Variants in NEDD4L observed in about 807,000 individuals in gnomAD.
The protein encoded by NEDD4L is NEDD4 like E3 ubiquitin protein ligase.
NEDD4L carries 54 observed loss-of-function variants against 148.9 expected under a neutral mutation model. That is an observed-to-expected ratio of 0.36 (90% confidence interval 0.29 to 0.45). The LOEUF is 0.45. Ranked by LOEUF, NEDD4L falls within the 20% of genes least tolerant of loss-of-function variation. The probability of loss-of-function intolerance (pLI) is 1.00; values close to 1 mark genes in which losing one functional copy is unlikely to be tolerated. For synonymous variants in NEDD4L, 433 were observed against 440.7 expected (o/e 0.98, Z 0.22); for missense variants, 856 against 1,233.8 (o/e 0.69, Z 4.59).
intron 2 of NEDD4L, among the ~76,000 whole-genome samples, chr18:58,187,512 A>G (rs1018603981): frequency 7.2e-5 from 11 of 152,206 alleles, no homozygotes; most frequent in African/African-American, 2.7e-4. Context: ...CATGATTAGG[A>G]TTTAAATCCA....
chr18:58,257,508 C>G (rs1345629006), intron 5 of NEDD4L, among the ~76,000 whole-genome samples: 1 of 152,102 alleles, frequency 6.6e-6, no homozygotes, highest in Non-Finnish European at 1.5e-5. Context: ...CGTTAATGGT[C>G]AGATGGCGTG....
chr18:58,182,818 T>C (rs1471710619), intron 2 of NEDD4L, among the ~76,000 whole-genome samples: 1 of 152,202 alleles, frequency 6.6e-6, no homozygotes, highest in Non-Finnish European at 1.5e-5. Context: ...GCCCCTGTAG[T>C]GTTCTATGCA....
rs189387578 is a variant in NEDD4L, at chr18:58,256,058, A to T, written c.297+4004A>T. The T allele has an allele frequency of 6.3e-4, 778 of 1,229,128 alleles. 4 individuals are homozygous for T. In the African/African-American group the frequency reaches 0.011, roughly 17 times the overall value. 76.1% of individuals were successfully genotyped at this position (1,229,128 alleles called of 1,614,324 possible). The stretch of plus-strand genomic sequence containing the variant: ...TGCCACCACGAGGGCCTCGCCCCAG[A>T]GTGGCTCCCGGGAGCCCTCGCCGAG... On this transcript the variant is annotated intron_variant, in intron 5 of 30. Transcript: ENST00000400345. This position sits in a 1 kb window ranked among gnomAD's most constrained non-coding sequence, Gnocchi z 5.2.
intron 1 of NEDD4L, among the ~76,000 whole-genome samples, chr18:58,158,410 G>A (rs551544225): frequency 1.1e-4 from 17 of 152,322 alleles, no homozygotes; most frequent in Non-Finnish European, 1.9e-4. Flanking sequence ...AAGAAATATC[G>A]AGAATTTGTG....
intron 4 of NEDD4L, among the ~76,000 whole-genome samples, chr18:58,249,986 T>G (rs986317026): frequency 6.6e-6 from 1 of 152,248 alleles, no homozygotes; most frequent in Non-Finnish European, 1.5e-5. Flanking sequence ...AATATAGCTT[T>G]CCACTTGTGA....
chr18:58,205,498 A>ATG (rs59338606), intron 2 of NEDD4L, among the ~76,000 whole-genome samples: 2,748 of 147,826 alleles, frequency 0.019, 27 homozygotes, highest in East Asian at 0.051. Flanking sequence ...GTGTGTGTGT[A>ATG]TGTGTGTGTG....
At chr18:58,280,621 C>T (rs1225327080) in intron 5 of NEDD4L, among the ~76,000 whole-genome samples, 1 of 152,068 alleles carries the variant, frequency 6.6e-6, no homozygotes, top group Admixed American at 6.5e-5. Flanking sequence ...TGTGTGCTTC[C>T]ACTAGGAAAG....
In NEDD4L at chr18:58,067,615, T is replaced by A. The variant is rs2082666501; in HGVS notation, c.48+22907T>A. ...AAAACTGAGAAATGGAAGTGTGAGC[T>A]AGGAAGAGGAGTAGCTTAATGGGGA... On this transcript the variant is annotated intron_variant, in intron 1 of 30. Transcript: ENST00000400345. 3.3e-5 allele frequency among the ~76,000 whole-genome samples: 5 copies of A among 152,172 alleles called. No individual in the cohort carries two copies. In the South Asian group the frequency reaches 1.0e-3, roughly 32 times the overall value.
chr18:58,357,140 G>T (rs1301810923), intron 18 of NEDD4L, 54 bp from the exon 19 acceptor site: 5 of 1,477,888 alleles, frequency 3.4e-6, no homozygotes, highest in Admixed American at 1.9e-5. Flanking sequence ...TCTTTACATA[G>T]AATAGATTTG....
At position 58,256,101 on chromosome 18, in the gene NEDD4L, C is replaced by T; in HGVS notation, c.297+4047C>T. ...TCGCCGAGGGACACCCCCGGGAGCTCCCCTCCGAGGGCAGCCCGGGACCCA... is the reference window on the plus strand; with the variant it reads ...TCGCCGAGGGACACCCCCGGGAGCTTCCCTCCGAGGGCAGCCCGGGACCCA... On this transcript the variant is annotated intron_variant, in intron 5 of 30. Coordinates refer to ENST00000400345, the MANE Select transcript of NEDD4L (RefSeq NM_001144967.3). This position sits in a 1 kb window ranked among gnomAD's most constrained non-coding sequence, Gnocchi z 5.2. 1.6e-6 allele frequency: 2 copies of T among 1,227,424 alleles called. No homozygotes were observed. Among genetic ancestry groups the T allele is most frequent in the African/African-American group, 1.6e-5 (1 of 64,296 alleles). The allele number at this position is 1,227,424 out of a possible 1,614,324, so 76.0% of individuals were successfully genotyped here.
At position 58,210,161 on chromosome 18, in the gene NEDD4L, C is replaced by T. The variant is rs78287470; in HGVS notation, c.123-35266C>T. ...AGCCTGGGCAAGAAAAGCGACACTT[C>T]GTCTCAACATCAACAACAACAAAAA... On this transcript the variant is annotated intron_variant, in intron 2 of 30. Transcript: ENST00000400345. Among the ~76,000 whole-genome samples, 976 of 152,104 alleles carry T rather than the reference C, an allele frequency of 6.4e-3. 4 individuals carry two copies. Among genetic ancestry groups the T allele is most frequent in the African/African-American group, 0.023 (946 of 41,504 alleles).
rs2050781922 is a variant in NEDD4L, at chr18:58,400,503, G to A, written c.*4234G>A. On this transcript the variant is annotated 3_prime_UTR_variant, in exon 31 of 31. Coordinates refer to ENST00000400345, the MANE Select transcript of NEDD4L (RefSeq NM_001144967.3). ...TGTCAGAGAAAGTGCCACAGCATTAGGACGGGAGCTTGGAGAACGTTTTCT... is the reference window on the plus strand; with the variant it reads ...TGTCAGAGAAAGTGCCACAGCATTAAGACGGGAGCTTGGAGAACGTTTTCT... 1 of 152,168 alleles carries A rather than the reference G, an allele frequency of 6.6e-6. No homozygotes were observed. The highest frequency in any genetic ancestry group is 6.5e-5 in the Admixed American group (1 of 15,284). The allele number at this position is 152,168 out of a possible 1,614,324, so 9.4% of individuals were successfully genotyped here.
intron 13 of NEDD4L, among the ~76,000 whole-genome samples, chr18:58,336,556 G>A (rs527286918): frequency 1.3e-5 from 2 of 151,242 alleles, no homozygotes; most frequent in Non-Finnish European, 2.9e-5. Context: ...CACCCTGGGC[G>A]ACAGAGCGAG....
rs369893474 is a variant in NEDD4L at position 58,208,236 on chromosome 18, T to G, written c.123-37191T>G. Among the ~76,000 whole-genome samples the G allele has an allele frequency of 5.9e-5, 9 of 152,146 alleles. No homozygotes were observed. The South Asian group carries it at 6.2e-4, about 11-fold the overall frequency. On this transcript the variant is annotated intron_variant, in intron 2 of 30. Transcript: ENST00000400345. ...AAATTAAATATAGGACATATGAACATTGTCATTTTGGTTCTAGTTCTTACA... is the reference window on the plus strand; with the variant it reads ...AAATTAAATATAGGACATATGAACAGTGTCATTTTGGTTCTAGTTCTTACA...
At chr18:58,085,453 A>G (rs549770282) in intron 1 of NEDD4L, among the ~76,000 whole-genome samples, 3 of 152,126 alleles carry the variant, frequency 2.0e-5, no homozygotes, top group Non-Finnish European at 2.9e-5. Flanking sequence ...TGCGCCCTGG[A>G]GGATGGACTG....
chr18:58,388,411 T>G (rs1353187364), intron 27 of NEDD4L: 1 of 152,294 alleles, frequency 6.6e-6, no homozygotes, highest in Non-Finnish European at 1.5e-5. Flanking sequence ...TTTGGCACGG[T>G]CAGGCCTAGG....
chr18:58,294,632 T>C (rs2055281694), intron 5 of NEDD4L, among the ~76,000 whole-genome samples: 1 of 152,176 alleles, frequency 6.6e-6, no homozygotes, highest in Non-Finnish European at 1.5e-5. Context: ...TTTTATTTTT[T>C]GAGCTCATAG....
chr18:58,142,611 A>G (rs1193420821), intron 1 of NEDD4L, among the ~76,000 whole-genome samples: 1 of 151,990 alleles, frequency 6.6e-6, no homozygotes, highest in Non-Finnish European at 1.5e-5. Flanking sequence ...CTTACCTTGC[A>G]CTCTGTTTTG....
At chr18:58,344,707 A>G (rs2042830748) in intron 16 of NEDD4L, among the ~76,000 whole-genome samples, 1 of 136,660 alleles carries the variant, frequency 7.3e-6, no homozygotes, top group African/African-American at 2.6e-5. Context: ...TGGAAAATAT[A>G]GTAATGGAGT....
Sources: gnomAD v4.1 joint callset for allele counts (sites outside exome capture counted in the v4.1 genomes callset) on GRCh38, gnomAD v4.1.1 for gene constraint, Gnocchi (gnomAD v3.1) non-coding constraint, MANE v1.5 for transcripts, NCBI Gene and HGNC (gene_info 2026-07-23, HGNC 2026-07-21) for gene names.